Variants in ROBO1 observed in about 807,000 individuals in gnomAD.
ROBO1 encodes roundabout homolog 1.
Under a neutral mutation model 195.9 loss-of-function variants are expected in ROBO1, and 149 were observed. The ratio of observed to expected loss-of-function variants is 0.76; its 90% CI spans 0.67 to 0.87. The LOEUF (loss-of-function observed/expected upper bound fraction) is 0.87, where lower values mean the gene tolerates loss of function less well. Among genes scored for constraint, ROBO1 ranks in the 40% least tolerant of loss-of-function variants. The probability of loss-of-function intolerance (pLI) is 0.00; values close to 1 mark genes in which losing one functional copy is unlikely to be tolerated. For missense variants in ROBO1, 1,933 were observed against 2,068.3 expected, an observed-to-expected ratio of 0.93 and a Z score of 1.27; for synonymous variants, 816 against 733.2, an observed-to-expected ratio of 1.11 and a Z score of -1.82.
chr3:78,938,405 T>A, intron 4 of ROBO1, 196 bp downstream of exon 4: 1 of 543,374 alleles, frequency 1.8e-6, no homozygotes, highest in Non-Finnish European at 3.2e-6. Flanking sequence ...TGTGTGTAAA[T>A]ACCAATTTAG....
At chr3:79,305,487 CAAAAA>C (rs755731665) in intron 2 of ROBO1, among the ~76,000 whole-genome samples, 7 of 55,704 alleles carry the variant, frequency 1.3e-4, no homozygotes, top group African/African-American at 3.1e-4. Flanking sequence ...AACTCCATCT[CAAAAA>C]AAAAAAAAAA....
chr3:79,169,242 A>G (rs1362983250), intron 2 of ROBO1, among the ~76,000 whole-genome samples: 1 of 152,198 alleles, frequency 6.6e-6, no homozygotes, highest in African/African-American at 2.4e-5. Flanking sequence ...TCATTTTATT[A>G]TGTTATAATC....
chr3:78,712,226 G>C (rs2081778743), intron 8 of ROBO1, among the ~76,000 whole-genome samples: 1 of 152,092 alleles, frequency 6.6e-6, no homozygotes, highest in Admixed American at 6.5e-5. Context: ...TATGAGATGT[G>C]AGGGAGAGAA....
intron 1 of ROBO1, among the ~76,000 whole-genome samples, chr3:79,752,704 A>C (rs907749611): frequency 6.6e-6 from 1 of 152,172 alleles, no homozygotes; most frequent in African/African-American, 2.4e-5. Flanking sequence ...GGAAAAAATA[A>C]ATCAAGGAGA....
At chr3:79,679,696 T>C (rs1372186186) in intron 1 of ROBO1, among the ~76,000 whole-genome samples, 2 of 151,990 alleles carry the variant, frequency 1.3e-5, no homozygotes, top group East Asian at 3.9e-4. Flanking sequence ...CCTGAATCAG[T>C]GTAGTGCAGA....
intron 2 of ROBO1, among the ~76,000 whole-genome samples, chr3:79,462,905 GTAGA>G (rs1402615901): frequency 2.6e-5 from 4 of 152,176 alleles, no homozygotes; most frequent in African/African-American, 4.8e-5. Flanking sequence ...TATAGTATAC[GTAGA>G]TACACTATTG....
chr3:79,579,471 C>T (rs550064730), intron 2 of ROBO1, among the ~76,000 whole-genome samples: 2 of 152,090 alleles, frequency 1.3e-5, no homozygotes, highest in Non-Finnish European at 2.9e-5. Context: ...TTGTCATCTA[C>T]CAAACTAGAT....
intron 4 of ROBO1, among the ~76,000 whole-genome samples, chr3:78,801,980 G>A (rs574959980): frequency 4.6e-5 from 7 of 152,110 alleles, no homozygotes; most frequent in African/African-American, 1.7e-4. Flanking sequence ...ACATTTAAAA[G>A]AGATTTTTCC....
At chr3:79,253,375 A>G (rs1299358379) in intron 2 of ROBO1, among the ~76,000 whole-genome samples, 1 of 152,166 alleles carries the variant, frequency 6.6e-6, no homozygotes, top group East Asian at 1.9e-4. Flanking sequence ...ATGGGAGGCT[A>G]TTCTCTGCTC....
intron 2 of ROBO1, among the ~76,000 whole-genome samples, chr3:79,278,917 G>T (rs2031283111): frequency 6.6e-6 from 1 of 152,042 alleles, no homozygotes; most frequent in African/African-American, 2.4e-5. Context: ...CCAAATGGGA[G>T]AATGTATTTG....
chr3:78,745,031 C>T (rs1023352797), intron 5 of ROBO1, among the ~76,000 whole-genome samples: 3 of 151,966 alleles, frequency 2.0e-5, no homozygotes, highest in African/African-American at 2.4e-5. Flanking sequence ...TTTTGTTGGC[C>T]GGGCGTGGTG....
intron 2 of ROBO1, among the ~76,000 whole-genome samples, chr3:79,174,385 CACAA>C (rs2081227593): frequency 6.6e-6 from 1 of 151,958 alleles, no homozygotes; most frequent in African/African-American, 2.4e-5. Flanking sequence ...ACGAACCCAC[CACAA>C]GGAAGAAACT....
intron 5 of ROBO1, among the ~76,000 whole-genome samples, chr3:78,743,166 T>C (rs2082573808): frequency 6.6e-6 from 1 of 152,092 alleles, no homozygotes; most frequent in African/African-American, 2.4e-5. Flanking sequence ...GAACATGACA[T>C]TAAAAAGAGT....
At position 79,724,441 on chromosome 3, in the gene ROBO1, G is replaced by C. The variant is rs1702828437; in HGVS notation, c.-51+43311C>G. 2.0e-5 allele frequency among the ~76,000 whole-genome samples: 3 copies of C among 152,274 alleles called. No individual in the cohort carries two copies. The South Asian group carries it at 6.2e-4, about 32-fold the overall frequency. On this transcript the variant is annotated intron_variant, in intron 1 of 30. Transcript: ENST00000464233. ...TTGAGTAACTTGCTTCTAATCAACA[G>C]AATACGGCAACGTTGAAGGGGATGG...
At chr3:79,499,456 T>C (rs1228922608) in intron 2 of ROBO1, among the ~76,000 whole-genome samples, 1 of 152,190 alleles carries the variant, frequency 6.6e-6, no homozygotes, top group African/African-American at 2.4e-5. Flanking sequence ...GTCCAACCTG[T>C]AGGCTATTTT....
At chr3:79,486,084 T>C (rs1939143798) in intron 2 of ROBO1, among the ~76,000 whole-genome samples, 2 of 152,212 alleles carry the variant, frequency 1.3e-5, no homozygotes, top group Non-Finnish European at 2.9e-5. Context: ...TATTATTATC[T>C]CAATGGCTGT....
chr3:79,219,384 G>T (rs1005859401), intron 2 of ROBO1, among the ~76,000 whole-genome samples: 1 of 151,924 alleles, frequency 6.6e-6, no homozygotes, highest in East Asian at 1.9e-4. Context: ...AGTAGGCAAG[G>T]ACTTTTTAAT....
intron 2 of ROBO1, among the ~76,000 whole-genome samples, chr3:79,125,982 A>T (rs373447325): frequency 6.6e-6 from 1 of 152,034 alleles, no homozygotes; most frequent in East Asian, 1.9e-4. Flanking sequence ...GCAATTACAG[A>T]CTCCAGAGAT....
At chr3:78,812,658 C>T (rs2084776922) in intron 4 of ROBO1, among the ~76,000 whole-genome samples, 1 of 152,100 alleles carries the variant, frequency 6.6e-6, no homozygotes, top group Non-Finnish European at 1.5e-5. Flanking sequence ...TGCTCCTCCT[C>T]TTTACTATAA....
Sources: gnomAD v4.1 joint callset for allele counts (sites outside exome capture counted in the v4.1 genomes callset) on GRCh38, gnomAD v4.1.1 for gene constraint, MANE v1.5 for transcripts, NCBI Gene and HGNC (gene_info 2026-07-23, HGNC 2026-07-21) for gene names.